The following XPO6 variants were observed in gnomAD, a reference collection of about 807,000 sequenced individuals.
XPO6 encodes the protein exportin 6, also known as exportin-6.
In XPO6, 3 loss-of-function variants were observed where a neutral mutation model predicts 130.0. That is an observed-to-expected ratio of 0.02 (90% confidence interval 0.01 to 0.06). The LOEUF (loss-of-function observed/expected upper bound fraction) is 0.06. Ranked by LOEUF, XPO6 falls within the 10% of genes least tolerant of loss-of-function variation. The probability of loss-of-function intolerance (pLI) is 1.00; values close to 1 mark genes in which losing one functional copy is unlikely to be tolerated. For synonymous variants in XPO6, 524 were observed against 548.9 expected, an observed-to-expected ratio of 0.95 and a Z score of 0.63; for missense variants, 970 against 1,393.0, an observed-to-expected ratio of 0.70 and a Z score of 4.83.
chr16:28,190,126 T>C (rs1183078627), intron 1 of XPO6, among the ~76,000 whole-genome samples: 1 of 152,206 alleles, frequency 6.6e-6, no homozygotes, highest in African/African-American at 2.4e-5. Context: ...TGGTACGTTT[T>C]ATGCTGGGAA....
At chr16:28,117,558 C>A in intron 14 of XPO6, 96 bp from the exon 15 acceptor site, 14 of 1,433,270 alleles carry the variant, frequency 9.8e-6, no homozygotes, top group Non-Finnish European at 1.2e-5. Context: ...GCATCCACTG[C>A]ATTTGCTGTT....
intron 8 of XPO6, among the ~76,000 whole-genome samples, chr16:28,150,500 A>G (rs1431703163): frequency 6.6e-6 from 1 of 152,174 alleles, no homozygotes; most frequent in East Asian, 1.9e-4. Flanking sequence ...AATCTAAGTA[A>G]ATTTAAGGTT....
chr16:28,118,046 C>T (rs2087115241), intron 14 of XPO6, among the ~76,000 whole-genome samples: 1 of 152,216 alleles, frequency 6.6e-6, no homozygotes, highest in African/African-American at 2.4e-5. Flanking sequence ...ATATAATAAA[C>T]AATCAATCTT....
rs762286015 is a variant in XPO6, at chr16:28,104,661, C to T, written c.2831G>A (p.Arg944Gln). ...GTACCTCCAGTTGTGATGGAGCGTCCGGAAAAGGAGCTCAAACAGCTCGGC... is the reference window on the plus strand; with the variant it reads ...GTACCTCCAGTTGTGATGGAGCGTCTGGAAAAGGAGCTCAAACAGCTCGGC... ...VKAELFELLF[R>Q]TLHHNWRYFF... is the part of the protein sequence containing the mutation. The change falls in exon 21 of 24, where the codon CGG becomes CAG. Residue 944 changes from arginine to glutamine, a missense_variant. By Grantham distance (43) the Arg-to-Gln change is conservative. Transcript: ENST00000304658. The T allele has an allele frequency of 7.4e-6, 12 of 1,614,160 alleles. No homozygotes were observed. Among genetic ancestry groups the T allele is most frequent in the East Asian group, 2.2e-5 (1 of 44,882 alleles).
At chr16:28,186,374 C>CTTTTTTTTTTTTTTTTTTTCTTTTT (rs60754642) in intron 1 of XPO6, among the ~76,000 whole-genome samples, 1 of 81,442 alleles carries the variant, frequency 1.2e-5, no homozygotes, top group Non-Finnish European at 2.1e-5. Context: ...CCCAGTTATT[C>CTTTTTTTTTTTTTTTTTTTCTTTTT]TTTTTTTTTT....
Position 28,132,638 on chromosome 16 carries a change from A to G in XPO6, c.1537-235T>C, listed in dbSNP as rs2042694215. Among the ~76,000 whole-genome samples the G allele has an allele frequency of 6.8e-6, 1 of 146,286 alleles. No homozygotes were observed. ...CACAGAATAAGAAAGAAAACGTATT[A>G]GTTCAACCCTTTTTTTAAAAAAAAA... On this transcript the variant is annotated intron_variant, in intron 11 of 23. Coordinates refer to ENST00000304658, the MANE Select transcript of XPO6 (RefSeq NM_015171.4). This position sits in a 1 kb window ranked among gnomAD's most constrained non-coding sequence, Gnocchi z 4.0.
At chr16:28,165,751 T>C (rs1445669911) in intron 6 of XPO6, among the ~76,000 whole-genome samples, 1 of 152,206 alleles carries the variant, frequency 6.6e-6, no homozygotes, top group Non-Finnish European at 1.5e-5. Context: ...ACCTTTACAG[T>C]AGAGGAAGCT....
rs1210445200 is a variant in XPO6, at chr16:28,125,845, T to C, written c.1610A>G (p.His537Arg). Residue 537 changes from histidine to arginine, a missense_variant, in exon 13 of 24, where the codon CAC (histidine) becomes CGC (arginine). Physicochemically the swap from His to Arg is conservative, Grantham distance 29. Transcript: ENST00000304658. ...GTTCTCCGCCGTGATGTTCAACCTG[T>C]GTCCTGGAACACAACACGCCAGACA... Reference protein sequence around the residue: ...QQFIVTSGSGHRLNITAENDC... With the variant: ...QQFIVTSGSGRRLNITAENDC... 6.2e-7 allele frequency: 1 copy of C among 1,613,434 alleles called. No individual in the cohort carries two copies. The highest frequency in any genetic ancestry group is 2.2e-5 in the East Asian group (1 of 44,898).
chr16:28,185,713 T>C (rs1454695974), intron 1 of XPO6, among the ~76,000 whole-genome samples: 1 of 152,190 alleles, frequency 6.6e-6, no homozygotes, highest in African/African-American at 2.4e-5. Context: ...AGGAACCATC[T>C]CTTGTCTTCA....
At chr16:28,149,460 A>T (rs2043046529) in intron 8 of XPO6, among the ~76,000 whole-genome samples, 1 of 152,226 alleles carries the variant, frequency 6.6e-6, no homozygotes, top group Non-Finnish European at 1.5e-5. Context: ...ACCATATAAC[A>T]ACATTTCCAT....
chr16:28,166,505 T>A lies in XPO6; in HGVS notation c.643+3A>T. The A allele has an allele frequency of 6.3e-7, 1 of 1,582,784 alleles. No individual in the cohort carries two copies. Among genetic ancestry groups the A allele is most frequent in the Non-Finnish European group, 8.6e-7 (1 of 1,162,802 alleles). ...AATGCCTTGGCTGGCAGGCAGACCA[T>A]ACCACTTTCTCCTGAGGTCGGGGAT... On this transcript the variant is annotated splice_donor_region_variant and intron_variant, in intron 6 of 23. Transcript: ENST00000304658.
intron 12 of XPO6, 66 bp from the exon 13 acceptor site, chr16:28,125,914 C>G: frequency 1.3e-6 from 2 of 1,552,018 alleles, no homozygotes; most frequent in Non-Finnish European, 1.7e-6. Context: ...CAGATAACAG[C>G]TGGTCCAGCA....
rs140632676 is a variant in XPO6, at chr16:28,099,482, G to A, written c.3277-843C>T. On this transcript the variant is annotated intron_variant, in intron 23 of 23. Transcript: ENST00000304658. ...TCCTGGCCCCAGCAGCCAGCTCAGC[G>A]CCTCTGTCCTGAGCAATCTGCTTCT... Among the ~76,000 whole-genome samples the A allele has an allele frequency of 8.5e-4, 130 of 152,338 alleles. 1 individual carries two copies. The highest frequency in any genetic ancestry group is 2.9e-3 in the African/African-American group (119 of 41,570).
chr16:28,131,131 A>T (rs1459773024), intron 12 of XPO6, among the ~76,000 whole-genome samples: 1 of 152,242 alleles, frequency 6.6e-6, no homozygotes, highest in Non-Finnish European at 1.5e-5. Flanking sequence ...GTTTGTTTTG[A>T]AAGTGTCTTT....
At chr16:28,181,518 G>GTTT (rs35525888) in intron 1 of XPO6, among the ~76,000 whole-genome samples, 5 of 146,368 alleles carry the variant, frequency 3.4e-5, no homozygotes, top group East Asian at 2.0e-4. Flanking sequence ...AGGGAGAGTG[G>GTTT]TTTTTTTTTT....
chr16:28,186,457 C>A (rs1166114539), intron 1 of XPO6, among the ~76,000 whole-genome samples: 1 of 135,756 alleles, frequency 7.4e-6, no homozygotes, highest in Non-Finnish European at 1.5e-5. Context: ...ACTGAGGCCT[C>A]AAACTCCTTG....
intron 7 of XPO6, 159 bp from the exon 8 acceptor site, chr16:28,152,944 AC>A (rs769640769): frequency 3.0e-6 from 4 of 1,340,416 alleles, no homozygotes; most frequent in Non-Finnish European, 3.8e-6. Flanking sequence ...AGGACAGGCA[AC>A]CCTTCATTCC....
intron 15 of XPO6, among the ~76,000 whole-genome samples, chr16:28,113,553 C>T (rs1292079947): frequency 1.3e-5 from 2 of 152,172 alleles, no homozygotes; most frequent in African/African-American, 4.8e-5. Context: ...AGGAGAAAAA[C>T]GTGTTACAGA....
In XPO6 at chr16:28,106,957, T is replaced by C. The variant is rs778349876; in HGVS notation, c.2498-460A>G. 2.0e-5 allele frequency among the ~76,000 whole-genome samples: 3 copies of C among 152,194 alleles called. No homozygotes were observed. The highest frequency in any genetic ancestry group is 4.4e-5 in the Non-Finnish European group (3 of 68,038). On this transcript the variant is annotated intron_variant, in intron 18 of 23. Transcript: ENST00000304658. This position sits in a 1 kb window ranked among gnomAD's most constrained non-coding sequence, Gnocchi z 4.2. ...TTTAGGTTGCATGGCCCTGGTCCATTAAATGGATTAATTGCAGAAAATACT... is the reference window on the plus strand; with the variant it reads ...TTTAGGTTGCATGGCCCTGGTCCATCAAATGGATTAATTGCAGAAAATACT...
Sources: allele counts gnomAD v4.1 joint callset (sites outside exome capture counted in the v4.1 genomes callset), GRCh38; gene constraint gnomAD v4.1.1; non-coding constraint Gnocchi (gnomAD v3.1); transcripts MANE v1.5; gene names NCBI Gene and HGNC (gene_info 2026-07-23, HGNC 2026-07-21).